The following SLC24A2 variants were observed in gnomAD, a reference collection of about 807,000 sequenced individuals.
The protein encoded by SLC24A2 is solute carrier family 24 member 2.
A neutral mutation model predicts 62.0 loss-of-function variants in SLC24A2; 36 were observed. The observed-to-expected ratio is 0.58, with a 90% confidence interval of 0.44 to 0.77. The LOEUF (loss-of-function observed/expected upper bound fraction) is 0.77, where lower values mean the gene tolerates loss of function less well. SLC24A2 is among the 30% of genes least tolerant of loss of function. The probability of loss-of-function intolerance (pLI) is 0.00; values close to 1 mark genes in which losing one functional copy is unlikely to be tolerated. For missense variants in SLC24A2, 846 were observed against 817.9 expected (o/e 1.03, Z -0.42); for synonymous variants, 358 against 294.0 (o/e 1.22, Z -2.23).
intron 2 of SLC24A2, among the ~76,000 whole-genome samples, chr9:19,657,724 ACTTT>A (rs893769682): frequency 4.6e-5 from 7 of 151,924 alleles, no homozygotes; most frequent in Admixed American, 1.3e-4. Context: ...TCAGTCTTTT[ACTTT>A]CTTTCTTTCT....
chr9:20,200,725 C>T, the SLC24A2 span, among the ~76,000 whole-genome samples: 3 of 152,224 alleles, frequency 2.0e-5, no homozygotes, highest in African/African-American at 7.2e-5. Context: ...CCCAGGGACG[C>T]TGCCATTGTC....
At position 19,617,033 on chromosome 9, in the gene SLC24A2, G is replaced by A. The variant is rs1407305487; in HGVS notation, c.1078+2551C>T. On this transcript the variant is annotated intron_variant, in intron 4 of 10. Coordinates refer to ENST00000341998, the MANE Select transcript of SLC24A2 (RefSeq NM_020344.4). ...GAGTGAAATTGAGTTTGGAGCAAGAGGCAGATCATGTAGACCAGCGGTCCC... is the reference window on the plus strand; with the variant it reads ...GAGTGAAATTGAGTTTGGAGCAAGAAGCAGATCATGTAGACCAGCGGTCCC... Among the ~76,000 whole-genome samples the A allele has an allele frequency of 3.3e-5, 5 of 152,154 alleles. No individual in the cohort carries two copies. In the South Asian group the frequency reaches 8.3e-4, roughly 25 times the overall value.
intron 3 of SLC24A2, among the ~76,000 whole-genome samples, chr9:19,620,888 C>T (rs1336769949): frequency 6.6e-6 from 1 of 152,184 alleles, no homozygotes; most frequent in African/African-American, 2.4e-5. Flanking sequence ...TTCTGCATAA[C>T]AGGGTTTTCC....
the SLC24A2 span, among the ~76,000 whole-genome samples, chr9:20,095,280 T>G: frequency 6.6e-6 from 1 of 152,206 alleles, no homozygotes; most frequent in Non-Finnish European, 1.5e-5. Context: ...ATAAAGATAA[T>G]CTATGTAAAC....
chr9:20,279,388 G>A, the SLC24A2 span, among the ~76,000 whole-genome samples: 15 of 152,178 alleles, frequency 9.9e-5, no homozygotes, highest in African/African-American at 2.4e-4. Flanking sequence ...AAAATTAGCT[G>A]GGCATGGTGG....
At chr9:19,836,927 T>C in the SLC24A2 span, among the ~76,000 whole-genome samples, 2 of 152,106 alleles carry the variant, frequency 1.3e-5, no homozygotes, top group Non-Finnish European at 2.9e-5. Flanking sequence ...GTTCAACATA[T>C]GAAAATCAAT....
At chr9:20,100,565 G>C in the SLC24A2 span, among the ~76,000 whole-genome samples, 12 of 152,240 alleles carry the variant, frequency 7.9e-5, 1 homozygote, top group Admixed American at 3.9e-4. Context: ...AAGATGGAAG[G>C]CTTTCATCAA....
At chr9:20,048,660 C>T in the SLC24A2 span, among the ~76,000 whole-genome samples, 4 of 151,860 alleles carry the variant, frequency 2.6e-5, no homozygotes, top group Non-Finnish European at 4.4e-5. Context: ...AAAAGTATAC[C>T]TTCAGCTGGG....
chr9:20,241,512 A>T, the SLC24A2 span, among the ~76,000 whole-genome samples: 3 of 152,190 alleles, frequency 2.0e-5, no homozygotes, highest in Non-Finnish European at 4.4e-5. Context: ...TGAGAGTATT[A>T]CTTAATTGGG....
the SLC24A2 span, among the ~76,000 whole-genome samples, chr9:19,943,492 G>C: frequency 6.6e-6 from 1 of 151,918 alleles, no homozygotes; most frequent in African/African-American, 2.4e-5. Flanking sequence ...ATAATTCAAG[G>C]CTTTTTAAAA....
chr9:19,634,583 C>T (rs140222784), intron 2 of SLC24A2, among the ~76,000 whole-genome samples: 160 of 152,266 alleles, frequency 1.1e-3, no homozygotes, highest in African/African-American at 3.6e-3. Context: ...CCACTGCGCC[C>T]GGCCAAAACC....
chr9:19,593,772 A>G (rs1039445331), intron 5 of SLC24A2, among the ~76,000 whole-genome samples: 3 of 152,094 alleles, frequency 2.0e-5, no homozygotes, highest in Non-Finnish European at 4.4e-5. Flanking sequence ...GGGGGGACAC[A>G]GTGCTGAGTT....
chr9:20,274,386 TC>T, the SLC24A2 span, among the ~76,000 whole-genome samples: 3 of 152,164 alleles, frequency 2.0e-5, no homozygotes, highest in Admixed American at 2.0e-4. Context: ...TGACTCTAAT[TC>T]TAAATAAGAT....
chr9:20,065,411 A>C, the SLC24A2 span, among the ~76,000 whole-genome samples: 1 of 152,190 alleles, frequency 6.6e-6, no homozygotes, highest in Non-Finnish European at 1.5e-5. Flanking sequence ...CAGTCCCAAT[A>C]TCCTGTAAAT....
At chr9:20,213,545 G>A in the SLC24A2 span, among the ~76,000 whole-genome samples, 1 of 152,136 alleles carries the variant, frequency 6.6e-6, no homozygotes, top group East Asian at 1.9e-4. Flanking sequence ...ACTTTTGAAA[G>A]TTATTACAAT....
intron 2 of SLC24A2, among the ~76,000 whole-genome samples, chr9:19,668,051 G>A (rs1819307853): frequency 6.6e-6 from 1 of 151,942 alleles, no homozygotes; most frequent in Non-Finnish European, 1.5e-5. Context: ...GGCCACATTG[G>A]AAGCTCCTTG....
chr9:19,671,284 T>A (rs940386352), intron 2 of SLC24A2, among the ~76,000 whole-genome samples: 6 of 151,974 alleles, frequency 3.9e-5, no homozygotes, highest in Non-Finnish European at 7.4e-5. Context: ...GGTATATTCC[T>A]CAGTATTTTA....
At chr9:19,547,477 A>G (rs1834638948) in intron 8 of SLC24A2, among the ~76,000 whole-genome samples, 1 of 152,154 alleles carries the variant, frequency 6.6e-6, no homozygotes, top group African/African-American at 2.4e-5. Context: ...TGGTTTTCCA[A>G]AAGTTACCAG....
intron 2 of SLC24A2, among the ~76,000 whole-genome samples, chr9:19,629,587 T>G (rs1007284157): frequency 1.3e-5 from 2 of 152,224 alleles, no homozygotes; most frequent in Non-Finnish European, 2.9e-5. Context: ...GGCATAGATT[T>G]AAGTAAAACT....
Sources: gnomAD v4.1 joint callset for allele counts (sites outside exome capture counted in the v4.1 genomes callset) on GRCh38, gnomAD v4.1.1 for gene constraint, MANE v1.5 for transcripts, NCBI Gene and HGNC (gene_info 2026-07-23, HGNC 2026-07-21) for gene names.